The following CCDC148 variants were observed in gnomAD, a reference collection of about 807,000 sequenced individuals.
CCDC148 encodes coiled-coil domain containing 148, also known as coiled-coil domain-containing protein 148.
In CCDC148, 89 loss-of-function variants were observed where a neutral mutation model predicts 85.7. The ratio of observed to expected loss-of-function variants is 1.04; its 90% CI spans 0.87 to 1.24. CCDC148 has a LOEUF of 1.24. Among genes scored for constraint, CCDC148 ranks in the 50% most tolerant of loss-of-function variants. The probability of loss-of-function intolerance (pLI) is 0.00; values close to 1 mark genes in which losing one functional copy is unlikely to be tolerated. For missense variants in CCDC148, 692 were observed against 671.7 expected, an observed-to-expected ratio of 1.03 and a Z score of -0.33; for synonymous variants, 230 against 213.9, an observed-to-expected ratio of 1.08 and a Z score of -0.66.
At chr2:158,295,196 G>C (rs1010198988) in intron 9 of CCDC148, among the ~76,000 whole-genome samples, 106 of 151,978 alleles carry the variant, frequency 7.0e-4, no homozygotes, top group Admixed American at 1.4e-3. Flanking sequence ...TCTCTGAAGA[G>C]ACCAATAACA....
intron 9 of CCDC148, among the ~76,000 whole-genome samples, chr2:158,275,347 A>C (rs1213823966): frequency 6.6e-6 from 1 of 152,142 alleles, no homozygotes; most frequent in Admixed American, 6.5e-5. Context: ...TATTTTGCAA[A>C]ATTAAGGAAG....
chr2:158,278,637 G>A (rs1276197994), intron 9 of CCDC148, among the ~76,000 whole-genome samples: 3 of 152,240 alleles, frequency 2.0e-5, no homozygotes, highest in Non-Finnish European at 4.4e-5. Flanking sequence ...CTACAACTGG[G>A]TGGAGCCCAC....
intron 10 of CCDC148, among the ~76,000 whole-genome samples, chr2:158,223,571 A>G (rs1687319317): frequency 6.6e-6 from 1 of 152,162 alleles, no homozygotes; most frequent in Non-Finnish European, 1.5e-5. Flanking sequence ...GGCACCCCCC[A>G]GTAGGGGCAG....
At chr2:158,354,556 G>A (rs999549822) in intron 2 of CCDC148, among the ~76,000 whole-genome samples, 6 of 152,104 alleles carry the variant, frequency 3.9e-5, no homozygotes, top group African/African-American at 1.4e-4. Flanking sequence ...AATAGACCAA[G>A]AACAGGATCT....
chr2:158,252,300 C>T (rs13428319), intron 9 of CCDC148, among the ~76,000 whole-genome samples: 6,132 of 151,676 alleles, frequency 0.04, 281 homozygotes, highest in East Asian at 0.11. Context: ...TTTCTACTCC[C>T]GTTTTTTAAA....
chr2:158,303,813 T>C (rs747732731), intron 9 of CCDC148, among the ~76,000 whole-genome samples: 3 of 152,242 alleles, frequency 2.0e-5, no homozygotes, highest in Non-Finnish European at 4.4e-5. Flanking sequence ...CTCTTAGAGC[T>C]GTGGCCTTGA....
chr2:158,278,886 G>C lies in CCDC148; in HGVS notation c.1111-27974C>G, dbSNP rs563506000. On this transcript the variant is annotated intron_variant, in intron 9 of 13. Coordinates refer to ENST00000283233, the MANE Select transcript of CCDC148 (RefSeq NM_138803.4). ...TAACTGGGAGGCACTCCCCAGTAGG[G>C]GCAGACTGACACCTCACACAGCCGG... Among the ~76,000 whole-genome samples, 64 of 152,324 alleles carry C rather than the reference G, an allele frequency of 4.2e-4. 1 individual carries two copies. Among genetic ancestry groups the C allele is most frequent in the African/African-American group, 1.5e-3 (61 of 41,576 alleles).
At chr2:158,210,074 G>A (rs1001508740) in intron 11 of CCDC148, among the ~76,000 whole-genome samples, 2 of 152,196 alleles carry the variant, frequency 1.3e-5, no homozygotes, top group East Asian at 1.9e-4. Context: ...CCCATCTCAC[G>A]TGCAAAGACA....
intron 9 of CCDC148, among the ~76,000 whole-genome samples, chr2:158,287,396 G>A (rs1574552419): frequency 6.6e-6 from 1 of 152,066 alleles, no homozygotes; most frequent in South Asian, 2.1e-4. Context: ...CTGAGACAAG[G>A]CACGTCCCTT....
At chr2:158,386,129 C>T (rs927279832) in intron 1 of CCDC148, among the ~76,000 whole-genome samples, 1 of 151,846 alleles carries the variant, frequency 6.6e-6, no homozygotes, top group Non-Finnish European at 1.5e-5. Flanking sequence ...GGGGGCAGTG[C>T]GGGGAGTTGA....
At chr2:158,331,694 A>T (rs1265474707) in intron 7 of CCDC148, among the ~76,000 whole-genome samples, 2 of 152,158 alleles carry the variant, frequency 1.3e-5, no homozygotes, top group African/African-American at 4.8e-5. Flanking sequence ...GTGCTCCTGT[A>T]TTGGGTGCAC....
intron 10 of CCDC148, among the ~76,000 whole-genome samples, chr2:158,222,540 C>T (rs1224103262): frequency 3.9e-5 from 6 of 151,944 alleles, no homozygotes; most frequent in Admixed American, 1.3e-4. Context: ...TGTGTCATCA[C>T]ATGTAAAACT....
At chr2:158,437,906 C>T (rs574938335) in intron 1 of CCDC148, among the ~76,000 whole-genome samples, 37 of 152,240 alleles carry the variant, frequency 2.4e-4, no homozygotes, top group African/African-American at 8.9e-4. Flanking sequence ...ACCTAGGAAT[C>T]CAACTTACAA....
At chr2:158,317,487 AC>A (rs1162580943) in intron 7 of CCDC148, among the ~76,000 whole-genome samples, 1 of 152,196 alleles carries the variant, frequency 6.6e-6, no homozygotes, top group Non-Finnish European at 1.5e-5. Context: ...AGGAAGTGAG[AC>A]AAAACAGATA....
intron 10 of CCDC148, among the ~76,000 whole-genome samples, chr2:158,249,314 T>A (rs1342300961): frequency 6.6e-6 from 1 of 152,120 alleles, no homozygotes; most frequent in Non-Finnish European, 1.5e-5. Flanking sequence ...AGTAGAGGGA[T>A]ATGCTTTTCA....
At chr2:158,455,000 A>C (rs948905447) in intron 1 of CCDC148, among the ~76,000 whole-genome samples, 2 of 152,122 alleles carry the variant, frequency 1.3e-5, no homozygotes, top group African/African-American at 4.8e-5. Flanking sequence ...ATAATCTTTT[A>C]TTTTCTTCTT....
chr2:158,195,245 T>C lies in CCDC148; in HGVS notation c.1371-16249A>G, dbSNP rs192136241. Among the ~76,000 whole-genome samples, 9 of 152,196 alleles carry C rather than the reference T, an allele frequency of 5.9e-5. No individual in the cohort carries two copies. The East Asian group carries it at 1.7e-3, about 29-fold the overall frequency. On this transcript the variant is annotated intron_variant, in intron 11 of 13. Transcript: ENST00000283233. ...ACTCTCAGACACAGTTAATTGCCCC[T>C]GCTCTTTTCCATTTCCCCCCATATA...
At chr2:158,263,220 C>T (rs972546776) in intron 9 of CCDC148, among the ~76,000 whole-genome samples, 5 of 152,006 alleles carry the variant, frequency 3.3e-5, no homozygotes, top group Non-Finnish European at 7.4e-5. Flanking sequence ...TACTTTAGGG[C>T]ATGTACTCTA....
chr2:158,249,450 T>C (rs1363807553), intron 10 of CCDC148, among the ~76,000 whole-genome samples: 1 of 152,172 alleles, frequency 6.6e-6, no homozygotes, highest in African/African-American at 2.4e-5. Flanking sequence ...AATTATTCCC[T>C]TTAATCATCA....
Sources: gnomAD v4.1 joint callset for allele counts (sites outside exome capture counted in the v4.1 genomes callset) on GRCh38, gnomAD v4.1.1 for gene constraint, MANE v1.5 for transcripts, NCBI Gene and HGNC (gene_info 2026-07-23, HGNC 2026-07-21) for gene names.